The following PBX4 variants were observed in gnomAD, a reference collection of about 807,000 sequenced individuals.
The protein encoded by PBX4 is pre-B-cell leukemia transcription factor 4.
In PBX4, 26 loss-of-function variants were observed where a neutral mutation model predicts 35.1. The ratio of observed to expected loss-of-function variants is 0.74; its 90% CI spans 0.54 to 1.03. PBX4 has a LOEUF of 1.03. Ranked by LOEUF, PBX4 falls within the 50% of genes least tolerant of loss-of-function variation. The pLI is 0.00. For synonymous variants in PBX4, 199 were observed against 204.2 expected, an observed-to-expected ratio of 0.97 and a Z score of 0.22; for missense variants, 448 against 504.3, an observed-to-expected ratio of 0.89 and a Z score of 1.07.
chr19:19,570,978 T>C, intron 2 of PBX4, 145 bp from the exon 3 acceptor site: 1 of 1,065,656 alleles, frequency 9.4e-7, no homozygotes, highest in Non-Finnish European at 1.3e-6. Context: ...ATCACCAAAT[T>C]GGATGATGGA....
At chr19:19,598,456 C>G (rs756708154) in intron 2 of PBX4, among the ~76,000 whole-genome samples, 1 of 151,860 alleles carries the variant, frequency 6.6e-6, no homozygotes, top group Non-Finnish European at 1.5e-5. Context: ...TGCCACCATG[C>G]CTGGCTAATT....
intron 2 of PBX4, among the ~76,000 whole-genome samples, chr19:19,586,706 GAGGCCACGAAGTCAGGAGATC>G (rs1057271124): frequency 9.9e-5 from 15 of 151,952 alleles, no homozygotes; most frequent in Non-Finnish European, 2.1e-4. Context: ...AGCACTTTGG[GAGGCCACGAAGTCAGGAGATC>G]AGGATTATCA....
chr19:19,563,701 C>T lies in PBX4; in HGVS notation c.926-86G>A, dbSNP rs967693385. 46 of 1,140,766 alleles carry T rather than the reference C, an allele frequency of 4.0e-5. No individual in the cohort carries two copies. Among genetic ancestry groups the T allele is most frequent in the African/African-American group, 1.5e-4 (10 of 64,798 alleles). The allele number at this position is 1,140,766 out of a possible 1,614,324, so 70.7% of individuals were successfully genotyped here. ...CAGCCCCTCAGCCGGCAGGAGGCCT[C>T]GAATGTGGCTCCTGCCCCTCCTCAG... On this transcript the variant is annotated intron_variant, in intron 6 of 7. Transcript: ENST00000251203. The surrounding 1 kb of genome is among the most constrained non-coding windows in gnomAD (Gnocchi z 5.1).
chr19:19,574,849 C>T (rs1445507822), intron 2 of PBX4, among the ~76,000 whole-genome samples: 1 of 151,946 alleles, frequency 6.6e-6, no homozygotes, highest in Non-Finnish European at 1.5e-5. Flanking sequence ...TTATTGATTA[C>T]AACGTTTGTA....
intron 1 of PBX4, among the ~76,000 whole-genome samples, chr19:19,602,776 G>A (rs1340059369): frequency 2.0e-5 from 3 of 151,930 alleles, no homozygotes; most frequent in African/African-American, 7.3e-5. Context: ...GGGGCTTGGA[G>A]TGACTGCCCT....
Position 19,564,961 on chromosome 19 carries a change from G to A in PBX4, c.897C>T (p.His299=), listed in dbSNP as rs377739787. 44 of 1,614,246 alleles carry A rather than the reference G, an allele frequency of 2.7e-5. No individual in the cohort carries two copies. The highest frequency in any genetic ancestry group is 1.6e-4 in the Middle Eastern group (1 of 6,062). Residue 299 remains histidine (H), a synonymous_variant, in exon 6 of 8, where the codon CAC becomes CAT. Coordinates refer to ENST00000251203, the MANE Select transcript of PBX4 (RefSeq NM_025245.3). ...AGCTAGGTGTTGACAGGCAGCTGGCGTGGTTCCCTGGGACCCCAACTTCCG... is the reference window on the plus strand; with the variant it reads ...AGCTAGGTGTTGACAGGCAGCTGGCATGGTTCCCTGGGACCCCAACTTCCG... ...DTTEVGVPGN[H]ASCLSTPSSG... is the part of the protein sequence containing the mutation.
intron 1 of PBX4, among the ~76,000 whole-genome samples, chr19:19,601,744 G>A (rs2144775412): frequency 6.6e-6 from 1 of 152,246 alleles, no homozygotes; most frequent in Non-Finnish European, 1.5e-5. Context: ...CATGAGCAAG[G>A]AATGCAGGTG....
At chr19:19,602,263 G>A (rs2061602464) in intron 1 of PBX4, among the ~76,000 whole-genome samples, 1 of 152,158 alleles carries the variant, frequency 6.6e-6, no homozygotes, top group Non-Finnish European at 1.5e-5. Flanking sequence ...ATAAATAAAT[G>A]AATAAAGAGA....
chr19:19,603,761 A>G (rs2061612035), intron 1 of PBX4, among the ~76,000 whole-genome samples: 1 of 152,172 alleles, frequency 6.6e-6, no homozygotes, highest in South Asian at 2.1e-4. Flanking sequence ...GTTCGAGACC[A>G]GCCTGGCCAA....
chr19:19,578,422 A>G (rs10415813), intron 2 of PBX4, among the ~76,000 whole-genome samples: 148,347 of 152,158 alleles, frequency 0.97, 72,346 homozygotes, highest in East Asian at 1. Flanking sequence ...TTAGACATGC[A>G]TTACCATCAA....
At chr19:19,587,559 G>A (rs1464264663) in intron 2 of PBX4, among the ~76,000 whole-genome samples, 4 of 141,328 alleles carry the variant, frequency 2.8e-5, no homozygotes, top group Non-Finnish European at 6.0e-5. Context: ...TTGCACTCCA[G>A]CCTGGGTGAC....
Position 19,563,542 on chromosome 19 carries a change from C to G in PBX4, c.999G>C (p.Gln333His). The G allele has an allele frequency of 6.4e-7, 1 of 1,550,610 alleles. No individual in the cohort carries two copies. Among genetic ancestry groups the G allele is most frequent in the African/African-American group, 1.4e-5 (1 of 73,258 alleles). The stretch of plus-strand genomic sequence containing the variant: ...GCAGGCAGCCTCCCCCAGGAGGAGG[C>G]TGGAGAGAGGCCAGAGTCCGCAGGG... ...FLTLRTLASL[Q>H]PPPGGGCLQS... Residue 333 changes from glutamine to histidine, a missense_variant, in exon 7 of 8, where the codon CAG becomes CAC. Physicochemically the swap from Gln to His is conservative, Grantham distance 24. Transcript: ENST00000251203. This position sits in a 1 kb window ranked among gnomAD's most constrained non-coding sequence, Gnocchi z 5.1.
intron 1 of PBX4, among the ~76,000 whole-genome samples, chr19:19,609,351 A>G (rs1381145698): frequency 6.6e-6 from 1 of 150,986 alleles, no homozygotes; most frequent in East Asian, 2.0e-4. Flanking sequence ...GGAGTTGGAG[A>G]CCAGCCTGAC....
intron 1 of PBX4, among the ~76,000 whole-genome samples, chr19:19,615,656 C>G (rs1443666425): frequency 6.6e-6 from 1 of 152,148 alleles, no homozygotes; most frequent in Non-Finnish European, 1.5e-5. Flanking sequence ...CTTTGGGAGG[C>G]TGAGGTAGGC....
chr19:19,570,430 T>C, intron 3 of PBX4, 131 bp from the exon 4 acceptor site: 3 of 1,431,190 alleles, frequency 2.1e-6, no homozygotes, highest in Non-Finnish European at 2.8e-6. Context: ...GTTAAGTAAA[T>C]GGAAAGGGCT....
In PBX4 at chr19:19,569,596, G is replaced by GA; in HGVS notation, c.633-13_633-12insT. The GA allele has an allele frequency of 1.2e-6, 2 of 1,612,588 alleles. No individual in the cohort carries two copies. The highest frequency in any genetic ancestry group is 1.7e-6 in the Non-Finnish European group (2 of 1,179,316). On this transcript the variant is annotated splice_polypyrimidine_tract_variant and intron_variant, in intron 4 of 7. Transcript: ENST00000251203. ...TCCGCCGCTTGCGCCTGCAAAAACA[G>GA]CCGCCTTCGTAGGCATTAATATGCT...
At chr19:19,604,799 A>G (rs1414629407) in intron 1 of PBX4, among the ~76,000 whole-genome samples, 2 of 151,202 alleles carry the variant, frequency 1.3e-5, no homozygotes, top group African/African-American at 4.8e-5. Flanking sequence ...ACAGGGTTTC[A>G]TGGTATTAGC....
chr19:19,592,194 T>G (rs556669042), intron 2 of PBX4, among the ~76,000 whole-genome samples: 1 of 152,294 alleles, frequency 6.6e-6, no homozygotes, highest in South Asian at 2.1e-4. Flanking sequence ...ACGTGACACA[T>G]CTTAAATCCA....
At chr19:19,570,484 C>G in intron 3 of PBX4, 102 bp downstream of exon 3, 2 of 1,533,656 alleles carry the variant, frequency 1.3e-6, no homozygotes, top group Non-Finnish European at 1.8e-6. Flanking sequence ...ACTGCATGGA[C>G]TCCCTGTTCT....
Sources: allele counts gnomAD v4.1 joint callset (sites outside exome capture counted in the v4.1 genomes callset), GRCh38; gene constraint gnomAD v4.1.1; non-coding constraint Gnocchi (gnomAD v3.1); transcripts MANE v1.5; gene names NCBI Gene and HGNC (gene_info 2026-07-23, HGNC 2026-07-21).